The following MALRD1 variants were observed in gnomAD, a reference collection of about 807,000 sequenced individuals.
The protein encoded by MALRD1 is MAM and LDL-receptor class A domain-containing protein 1.
In MALRD1, 247 loss-of-function variants were observed where a neutral mutation model predicts 242.1. The observed-to-expected ratio is 1.02, with a 90% CI of 0.92 to 1.13. The LOEUF is 1.13. Ranked by LOEUF, MALRD1 falls within the 50% of genes most tolerant of loss-of-function variation. The pLI is 0.00. For synonymous variants in MALRD1, 995 were observed against 866.6 expected, an observed-to-expected ratio of 1.15 and a Z score of -2.60; for missense variants, 2,989 against 2,533.1, an observed-to-expected ratio of 1.18 and a Z score of -3.86.
At chr10:19,726,929 G>A (rs1835052160) in intron 38 of MALRD1, among the ~76,000 whole-genome samples, 1 of 152,140 alleles carries the variant, frequency 6.6e-6, no homozygotes, top group South Asian at 2.1e-4. Flanking sequence ...AATTTACCTG[G>A]GATTGGTTGG....
At chr10:19,293,730 A>G (rs368411181) in intron 21 of MALRD1, among the ~76,000 whole-genome samples, 3 of 152,266 alleles carry the variant, frequency 2.0e-5, no homozygotes, top group East Asian at 3.9e-4. Flanking sequence ...CAAAGAAGGG[A>G]ACAACAAACA....
At chr10:19,699,142 G>A (rs1280412017) in intron 38 of MALRD1, among the ~76,000 whole-genome samples, 1 of 151,888 alleles carries the variant, frequency 6.6e-6, no homozygotes, top group Non-Finnish European at 1.5e-5. Context: ...AAACCACCAT[G>A]GCACATGTAT....
chr10:19,370,478 T>G (rs1845325698), intron 26 of MALRD1, among the ~76,000 whole-genome samples: 1 of 152,238 alleles, frequency 6.6e-6, no homozygotes, highest in South Asian at 2.1e-4. Context: ...TTTAATGTTA[T>G]CGTTAAGTCA....
At chr10:19,599,336 G>A (rs762813004) in intron 34 of MALRD1, among the ~76,000 whole-genome samples, 4 of 151,940 alleles carry the variant, frequency 2.6e-5, no homozygotes, top group African/African-American at 2.4e-5. Flanking sequence ...TGAGTTCAAC[G>A]TTTAAGAACA....
chr10:19,368,644 T>C (rs1459167826), intron 26 of MALRD1, among the ~76,000 whole-genome samples: 2 of 152,052 alleles, frequency 1.3e-5, no homozygotes, highest in African/African-American at 4.8e-5. Flanking sequence ...TTTTTATATC[T>C]GTGAAGAACG....
At chr10:19,526,147 G>T (rs961350056) in intron 31 of MALRD1, among the ~76,000 whole-genome samples, 1 of 152,018 alleles carries the variant, frequency 6.6e-6, no homozygotes, top group African/African-American at 2.4e-5. Context: ...GATATAAATA[G>T]GTAGGTCTCA....
intron 26 of MALRD1, among the ~76,000 whole-genome samples, chr10:19,368,631 G>GT (rs943379989): frequency 1.3e-5 from 2 of 151,806 alleles, no homozygotes; most frequent in East Asian, 1.9e-4. Context: ...CAGTATTAAG[G>GT]TTTTTTTATA....
intron 33 of MALRD1, among the ~76,000 whole-genome samples, chr10:19,594,898 T>C (rs563174451): frequency 7.9e-5 from 12 of 152,026 alleles, no homozygotes; most frequent in South Asian, 2.1e-4. Flanking sequence ...ACTGCTCAGG[T>C]GATGGGTGCA....
At chr10:19,459,915 C>T (rs1452785366) in intron 29 of MALRD1, among the ~76,000 whole-genome samples, 1 of 151,658 alleles carries the variant, frequency 6.6e-6, no homozygotes, top group African/African-American at 2.4e-5. Context: ...TTAAATAGCC[C>T]TTGAAATATC....
intron 38 of MALRD1, among the ~76,000 whole-genome samples, chr10:19,721,242 C>G: frequency 6.6e-6 from 1 of 152,056 alleles, no homozygotes. Context: ...TTCCTTTTAT[C>G]TGGAAGATTG....
chr10:19,646,372 G>A (rs903379805), intron 36 of MALRD1, among the ~76,000 whole-genome samples: 1 of 152,048 alleles, frequency 6.6e-6, no homozygotes, highest in African/African-American at 2.4e-5. Flanking sequence ...GGGAGGCCGA[G>A]GGGGGCAGAT....
At chr10:19,243,690 C>T (rs568986098) in intron 18 of MALRD1, among the ~76,000 whole-genome samples, 2 of 152,056 alleles carry the variant, frequency 1.3e-5, no homozygotes, top group Non-Finnish European at 2.9e-5. Context: ...TGGGTCTTTA[C>T]CTCTCAGCAT....
At chr10:19,271,959 A>C (rs1840269739) in intron 19 of MALRD1, among the ~76,000 whole-genome samples, 1 of 152,146 alleles carries the variant, frequency 6.6e-6, no homozygotes, top group Non-Finnish European at 1.5e-5. Flanking sequence ...AGGCTTCAAA[A>C]CTATCAGGAA....
At position 19,555,938 on chromosome 10, in the gene MALRD1, A is replaced by G. The variant is rs145818857; in HGVS notation, c.5479-11564A>G. Among the ~76,000 whole-genome samples the G allele has an allele frequency of 1.5e-3, 230 of 152,294 alleles. 1 individual carries two copies. Among genetic ancestry groups the G allele is most frequent in the Non-Finnish European group, 2.3e-3 (157 of 68,018 alleles). On this transcript the variant is annotated intron_variant, in intron 32 of 39. Coordinates refer to ENST00000454679, the MANE Select transcript of MALRD1 (RefSeq NM_001142308.3). ...AGAGAAAAGGAGGGTGACTAAATGT[A>G]TTAACGGAACAAGTGATTATTTTAA...
At chr10:19,541,098 G>A (rs7077257) in intron 32 of MALRD1, among the ~76,000 whole-genome samples, 2,410 of 152,208 alleles carry the variant, frequency 0.016, 62 homozygotes, top group African/African-American at 0.055. Flanking sequence ...ATCTTATTAT[G>A]AAAGTTATTG....
At chr10:19,475,350 G>A (rs965320139) in intron 29 of MALRD1, among the ~76,000 whole-genome samples, 5 of 152,214 alleles carry the variant, frequency 3.3e-5, no homozygotes, top group African/African-American at 9.6e-5. Context: ...AGGAGGCGGA[G>A]CTTGCAGTGA....
At chr10:19,602,175 C>G (rs1365919808) in intron 34 of MALRD1, among the ~76,000 whole-genome samples, 1 of 130,188 alleles carries the variant, frequency 7.7e-6, no homozygotes, top group African/African-American at 3.0e-5. Context: ...TTTTTTTGTC[C>G]GTCTTTGCAG....
intron 28 of MALRD1, among the ~76,000 whole-genome samples, chr10:19,448,677 T>C (rs958189668): frequency 6.6e-6 from 1 of 152,128 alleles, no homozygotes; most frequent in Non-Finnish European, 1.5e-5. Flanking sequence ...ATTGTATTAC[T>C]AGTTAACCAC....
At chr10:19,508,232 G>A (rs540782796) in intron 31 of MALRD1, among the ~76,000 whole-genome samples, 1 of 152,192 alleles carries the variant, frequency 6.6e-6, no homozygotes, top group South Asian at 2.1e-4. Context: ...GATGTGTGAT[G>A]TATACTGAAT....
Sources: gnomAD v4.1 joint callset for allele counts (sites outside exome capture counted in the v4.1 genomes callset) on GRCh38, gnomAD v4.1.1 for gene constraint, MANE v1.5 for transcripts, NCBI Gene and HGNC (gene_info 2026-07-23, HGNC 2026-07-21) for gene names.